Variants in ASIC2 observed in about 807,000 individuals in gnomAD.
The protein encoded by ASIC2 is acid sensing ion channel subunit 2.
Under a neutral mutation model 57.3 loss-of-function variants are expected in ASIC2, and 25 were observed. The observed-to-expected ratio is 0.44, with a 90% CI of 0.32 to 0.61. The LOEUF (loss-of-function observed/expected upper bound fraction) is 0.61, where lower values mean the gene tolerates loss of function less well. Among genes scored for constraint, ASIC2 ranks in the 20% least tolerant of loss-of-function variants. ASIC2 has a pLI of 0.06. For synonymous variants in ASIC2, 319 were observed against 307.5 expected (o/e 1.04, Z -0.39); for missense variants, 641 against 738.1 (o/e 0.87, Z 1.52).
At chr17:33,631,609 C>T (rs1424254271) in intron 1 of ASIC2, among the ~76,000 whole-genome samples, 1 of 152,050 alleles carries the variant, frequency 6.6e-6, no homozygotes, top group East Asian at 1.9e-4. Context: ...GGGTGCTTAG[C>T]ATTATGCCTG....
intron 1 of ASIC2, among the ~76,000 whole-genome samples, chr17:34,094,333 A>C (rs1448617686): frequency 6.6e-6 from 1 of 152,188 alleles, no homozygotes; most frequent in Non-Finnish European, 1.5e-5. Flanking sequence ...GCCCATGACT[A>C]CATGCCTCAT....
intron 1 of ASIC2, among the ~76,000 whole-genome samples, chr17:33,543,604 G>C (rs1488640817): frequency 2.0e-5 from 3 of 152,230 alleles, no homozygotes; most frequent in Non-Finnish European, 2.9e-5. Context: ...TAATGAAACT[G>C]TCTGTGGTCC....
At chr17:33,330,372 A>T (rs1403287020) in intron 1 of ASIC2, among the ~76,000 whole-genome samples, 1 of 152,152 alleles carries the variant, frequency 6.6e-6, no homozygotes, top group Non-Finnish European at 1.5e-5. Flanking sequence ...GACTGCAGGG[A>T]GGCTGCTGGG....
chr17:33,720,363 T>C (rs1909349223), intron 1 of ASIC2, among the ~76,000 whole-genome samples: 1 of 152,240 alleles, frequency 6.6e-6, no homozygotes, highest in Non-Finnish European at 1.5e-5. Context: ...CTCCCTACAG[T>C]TTCCAAATAC....
At chr17:33,066,484 C>T (rs981019063) in intron 3 of ASIC2, among the ~76,000 whole-genome samples, 5 of 152,080 alleles carry the variant, frequency 3.3e-5, no homozygotes, top group Non-Finnish European at 7.4e-5. Flanking sequence ...TCCTCATGGG[C>T]CATTTAAAGA....
chr17:33,821,344 A>G (rs1301921272), intron 1 of ASIC2, among the ~76,000 whole-genome samples: 1 of 152,148 alleles, frequency 6.6e-6, no homozygotes, highest in Admixed American at 6.5e-5. Context: ...TTCGAGCTCT[A>G]GGGAAAGCCT....
intron 1 of ASIC2, among the ~76,000 whole-genome samples, chr17:33,786,767 T>C (rs992274313): frequency 1.3e-5 from 2 of 152,114 alleles, no homozygotes; most frequent in Non-Finnish European, 2.9e-5. Context: ...AAGCAGGCAG[T>C]GTTGATGGCT....
chr17:33,633,241 G>T (rs1254971841), intron 1 of ASIC2, among the ~76,000 whole-genome samples: 1 of 152,166 alleles, frequency 6.6e-6, no homozygotes, highest in South Asian at 2.1e-4. Context: ...CTCCTGACCT[G>T]TGCGAGGGTC....
chr17:33,464,826 C>T (rs1166373352), intron 1 of ASIC2, among the ~76,000 whole-genome samples: 1 of 151,672 alleles, frequency 6.6e-6, no homozygotes, highest in African/African-American at 2.4e-5. Flanking sequence ...AGCATTTGGA[C>T]AAATCTCACC....
intron 1 of ASIC2, among the ~76,000 whole-genome samples, chr17:33,676,417 G>T (rs1158216663): frequency 6.6e-6 from 1 of 152,204 alleles, no homozygotes; most frequent in African/African-American, 2.4e-5. Flanking sequence ...TGAATGCAAA[G>T]GAAAAGTTCT....
chr17:33,283,313 C>A (rs1905031359), intron 1 of ASIC2, among the ~76,000 whole-genome samples: 1 of 150,708 alleles, frequency 6.6e-6, no homozygotes. Flanking sequence ...ACAGCCCTGT[C>A]TCTCAAAGCG....
At chr17:33,652,389 T>C (rs1029925393) in intron 1 of ASIC2, among the ~76,000 whole-genome samples, 1 of 152,202 alleles carries the variant, frequency 6.6e-6, no homozygotes, top group African/African-American at 2.4e-5. Flanking sequence ...CAACATGCAT[T>C]GAGTAGCAGT....
chr17:33,112,017 G>A lies in ASIC2; in HGVS notation c.759C>T (p.Gly253=). The part of the protein sequence containing the change: ...KCYMFNSGED[G]KPLLTTVKGG... ...CCTTGACCGTGGTGAGCAGAGGTTT[G>A]CCATCCTCGCCTGAGTTAAACATGT... The change falls in exon 2 of 10, where the codon GGC becomes GGT. Residue 253 remains glycine, a synonymous_variant. Transcript: ENST00000225823. 2 of 1,613,932 alleles carry A rather than the reference G, an allele frequency of 1.2e-6. No individual in the cohort carries two copies. Among genetic ancestry groups the A allele is most frequent in the Non-Finnish European group, 1.7e-6 (2 of 1,179,940 alleles).
At chr17:33,175,007 T>C (rs115454716) in intron 1 of ASIC2, among the ~76,000 whole-genome samples, 2,814 of 152,264 alleles carry the variant, frequency 0.018, 92 homozygotes, top group African/African-American at 0.062. Context: ...TGGAGCTTTC[T>C]TTATCAAAAT....
chr17:33,694,185 C>T (rs577698017), intron 1 of ASIC2, among the ~76,000 whole-genome samples: 2 of 152,174 alleles, frequency 1.3e-5, no homozygotes, highest in Non-Finnish European at 2.9e-5. Context: ...CATCTGAAGT[C>T]CCAGCCAAGG....
At chr17:33,425,967 A>G (rs941556369) in intron 1 of ASIC2, among the ~76,000 whole-genome samples, 1 of 152,008 alleles carries the variant, frequency 6.6e-6, no homozygotes, top group Non-Finnish European at 1.5e-5. Flanking sequence ...AAGCGCAGGG[A>G]CTCTGGAGAG....
intron 1 of ASIC2, among the ~76,000 whole-genome samples, chr17:33,703,678 T>A (rs1369630716): frequency 6.6e-6 from 1 of 152,084 alleles, no homozygotes; most frequent in Admixed American, 6.6e-5. Flanking sequence ...TAATATATAA[T>A]CTCTTTGGTA....
At chr17:33,170,268 A>T (rs1328732540) in intron 1 of ASIC2, among the ~76,000 whole-genome samples, 1 of 152,132 alleles carries the variant, frequency 6.6e-6, no homozygotes, top group Non-Finnish European at 1.5e-5. Context: ...ATTCACAAAG[A>T]CTCAACACTG....
rs181717963 is a variant in ASIC2, at chr17:33,813,895, T to G, written c.555+342083A>C. Among the ~76,000 whole-genome samples the G allele has an allele frequency of 9.3e-4, 141 of 152,282 alleles. 1 individual carries two copies. Among genetic ancestry groups the G allele is most frequent in the Middle Eastern group, 6.8e-3 (2 of 294 alleles). On this transcript the variant is annotated intron_variant, in intron 1 of 9. Transcript: ENST00000359872. ...CACACGTTTCCGCAAATCTGTTGGT[T>G]TCCTGAGGTTGAATGGTTGGTAGAG... is the stretch of plus-strand genomic sequence containing the variant.
Sources: gnomAD v4.1 joint callset for allele counts (sites outside exome capture counted in the v4.1 genomes callset) on GRCh38, gnomAD v4.1.1 for gene constraint, MANE v1.5 for transcripts, NCBI Gene and HGNC (gene_info 2026-07-23, HGNC 2026-07-21) for gene names.